The following DAG1 variants were observed in gnomAD, a reference collection of about 807,000 sequenced individuals.
DAG1 encodes dystroglycan 1 (dystrophin-associated glycoprotein 1).
In DAG1, 8 loss-of-function variants were observed where a neutral mutation model predicts 46.1. That is an observed-to-expected ratio of 0.17 (90% CI 0.10 to 0.31). The LOEUF is 0.31. Ranked by LOEUF, DAG1 falls within the 10% of genes least tolerant of loss-of-function variation. The probability of loss-of-function intolerance (pLI) is 1.00; values close to 1 mark genes in which losing one functional copy is unlikely to be tolerated. For missense variants in DAG1, 1,003 were observed against 1,189.9 expected, an observed-to-expected ratio of 0.84 and a Z score of 2.31; for synonymous variants, 495 against 481.8, an observed-to-expected ratio of 1.03 and a Z score of -0.36.
chr3:49,502,596 A>G (rs186223999), intron 1 of DAG1, among the ~76,000 whole-genome samples: 1 of 152,154 alleles, frequency 6.6e-6, no homozygotes, highest in East Asian at 1.9e-4. Flanking sequence ...ACAGGAATCA[A>G]TCAAACTATA....
At chr3:49,521,954 A>G (rs183795884) in intron 2 of DAG1, among the ~76,000 whole-genome samples, 3 of 152,094 alleles carry the variant, frequency 2.0e-5, no homozygotes, top group African/African-American at 4.8e-5. Flanking sequence ...GGTTCAAGCA[A>G]TTCTCCTGCT....
At chr3:49,508,194 C>CTTT (rs11344604) in intron 1 of DAG1, among the ~76,000 whole-genome samples, 2 of 73,564 alleles carry the variant, frequency 2.7e-5, no homozygotes, top group Non-Finnish European at 5.2e-5. Context: ...GTTTATTTTG[C>CTTT]TTTTTTTTTT....
intron 1 of DAG1, among the ~76,000 whole-genome samples, chr3:49,487,760 C>T (rs1575353521): frequency 7.4e-6 from 1 of 134,950 alleles, no homozygotes; most frequent in East Asian, 2.1e-4. Context: ...AGTGCAGTGG[C>T]GTGATCTCGG....
chr3:49,471,586 G>T (rs192835898), intron 1 of DAG1, among the ~76,000 whole-genome samples: 1 of 152,270 alleles, frequency 6.6e-6, no homozygotes, highest in Admixed American at 6.5e-5. Flanking sequence ...CCTGTGTCCT[G>T]TATTTTGGAG....
intron 1 of DAG1, among the ~76,000 whole-genome samples, chr3:49,486,920 C>T (rs547606535): frequency 1.6e-4 from 24 of 152,088 alleles, no homozygotes; most frequent in Non-Finnish European, 2.9e-4. Flanking sequence ...GATTCAGTCT[C>T]GCTCTGTTGC....
intron 1 of DAG1, among the ~76,000 whole-genome samples, chr3:49,474,851 A>G (rs1224271618): frequency 1.4e-5 from 2 of 143,630 alleles, no homozygotes; most frequent in African/African-American, 5.2e-5. Flanking sequence ...TCTGTCACCC[A>G]GGCTGCATGG....
At chr3:49,510,181 T>C (rs1042745632) in intron 1 of DAG1, 1 of 492,758 alleles carries the variant, frequency 2.0e-6, no homozygotes, top group African/African-American at 1.9e-5. Context: ...TGAGGCATTT[T>C]ACATTCATTT....
intron 2 of DAG1, among the ~76,000 whole-genome samples, chr3:49,514,724 C>A: frequency 6.6e-6 from 1 of 152,034 alleles, no homozygotes; most frequent in East Asian, 1.9e-4. Flanking sequence ...CTGCAACCTC[C>A]GCCTCCCGGG....
At chr3:49,480,209 C>G (rs541210007) in intron 1 of DAG1, among the ~76,000 whole-genome samples, 1 of 151,702 alleles carries the variant, frequency 6.6e-6, no homozygotes, top group Non-Finnish European at 1.5e-5. Flanking sequence ...GCCTTGGCCC[C>G]CCAAAGTGCT....
In DAG1 at chr3:49,475,638, C is replaced by T. The variant is rs1467978977; in HGVS notation, c.-117+5205C>T. Among the ~76,000 whole-genome samples the T allele has an allele frequency of 3.3e-5, 5 of 151,624 alleles. No individual in the cohort carries two copies. In the South Asian group the frequency reaches 8.3e-4, roughly 25 times the overall value. On this transcript the variant is annotated intron_variant, in intron 1 of 2. Transcript: ENST00000308775. ...CACCAGCCAGAAGACTTAATTTAGC[C>T]TTAAGGAATAGGGTTCTCTGTTTTC...
chr3:49,507,821 A>T (rs1005435861), intron 1 of DAG1, among the ~76,000 whole-genome samples: 1 of 151,962 alleles, frequency 6.6e-6, no homozygotes, highest in Non-Finnish European at 1.5e-5. Context: ...TTAAAAAAAA[A>T]TTTTATCCTT....
intron 2 of DAG1, among the ~76,000 whole-genome samples, chr3:49,519,749 G>T (rs1174016040): frequency 1.3e-5 from 2 of 152,154 alleles, no homozygotes; most frequent in African/African-American, 4.8e-5. Context: ...AAAAATCACT[G>T]ACAAAGACTG....
At chr3:49,489,117 C>T (rs2050114457) in intron 1 of DAG1, among the ~76,000 whole-genome samples, 2 of 146,292 alleles carry the variant, frequency 1.4e-5, no homozygotes, top group Non-Finnish European at 3.0e-5. Flanking sequence ...TTTTTTGAGA[C>T]ACAGTTTTGC....
At chr3:49,490,276 C>T (rs915453569) in intron 1 of DAG1, among the ~76,000 whole-genome samples, 2 of 151,864 alleles carry the variant, frequency 1.3e-5, no homozygotes, top group African/African-American at 4.8e-5. Flanking sequence ...TGATGTGGAC[C>T]CGGGAGGTGG....
In DAG1 at chr3:49,533,300, G is replaced by T. The variant is rs768948879; in HGVS notation, c.*101G>T. On this transcript the variant is annotated 3_prime_UTR_variant, in exon 3 of 3. Transcript: ENST00000308775. ...GCCTGCAGACCATTGCCCACCGGGA[G>T]CCGACACCTGACCTAGCACACACTG... The T allele has an allele frequency of 1.3e-5, 20 of 1,531,846 alleles. No individual in the cohort carries two copies. In the Admixed American group the frequency reaches 3.8e-4, roughly 29 times the overall value. 94.9% of individuals were successfully genotyped at this position (1,531,846 alleles called of 1,614,324 possible).
chr3:49,494,723 C>G (rs926564664), intron 1 of DAG1, among the ~76,000 whole-genome samples: 2 of 151,848 alleles, frequency 1.3e-5, no homozygotes, highest in African/African-American at 4.8e-5. Flanking sequence ...CAACCTCCGC[C>G]TCACAGGTTC....
At chr3:49,514,713 A>C (rs1159311990) in intron 2 of DAG1, among the ~76,000 whole-genome samples, 1 of 151,758 alleles carries the variant, frequency 6.6e-6, no homozygotes, top group Admixed American at 6.6e-5. Context: ...ATCTTGGCCT[A>C]CTGCAACCTC....
chr3:49,504,378 T>C (rs2050539428), intron 1 of DAG1, among the ~76,000 whole-genome samples: 1 of 152,074 alleles, frequency 6.6e-6, no homozygotes, highest in South Asian at 2.1e-4. Context: ...GCATGTACCA[T>C]AGTTTGTTTA....
chr3:49,493,581 G>A (rs1268917893), intron 1 of DAG1, among the ~76,000 whole-genome samples: 2 of 152,168 alleles, frequency 1.3e-5, no homozygotes, highest in Non-Finnish European at 2.9e-5. Context: ...AAGTTTTGAG[G>A]AGGAGGAAAG....
Sources: allele counts gnomAD v4.1 joint callset (sites outside exome capture counted in the v4.1 genomes callset), GRCh38; gene constraint gnomAD v4.1.1; transcripts MANE v1.5; gene names NCBI Gene and HGNC (gene_info 2026-07-23, HGNC 2026-07-21).